ABCB5: variants seen among roughly 807,000 people sequenced by gnomAD.
The protein encoded by ABCB5 is ATP binding cassette subfamily B member 5, also known as ATP-binding cassette sub-family B member 5.
ABCB5 carries 155 observed loss-of-function variants against 144.2 expected under a neutral mutation model. That is an observed-to-expected ratio of 1.08 (90% CI 0.94 to 1.23). The LOEUF is 1.23. ABCB5 is among the 50% of genes most tolerant of loss of function. The pLI, the probability that ABCB5 is intolerant of heterozygous loss-of-function variation, is 0.00. For missense variants in ABCB5, 1,830 were observed against 1,520.8 expected, an observed-to-expected ratio of 1.20 and a Z score of -3.38; for synonymous variants, 610 against 528.6, an observed-to-expected ratio of 1.15 and a Z score of -2.11.
intron 25 of ABCB5, among the ~76,000 whole-genome samples, chr7:20,744,010 A>C (rs1782641704): frequency 6.6e-6 from 1 of 151,464 alleles, no homozygotes; most frequent in African/African-American, 2.4e-5. Flanking sequence ...ATCACTCCCC[A>C]CGTCATCATG....
At chr7:20,652,499 G>A (rs1019546916) in intron 13 of ABCB5, among the ~76,000 whole-genome samples, 17 of 152,310 alleles carry the variant, frequency 1.1e-4, no homozygotes, top group African/African-American at 3.8e-4. Flanking sequence ...GAACCTGGGA[G>A]GTGGAGATTG....
chr7:20,636,218 G>C (rs772750718), intron 5 of ABCB5, among the ~76,000 whole-genome samples: 1 of 152,078 alleles, frequency 6.6e-6, no homozygotes, highest in Non-Finnish European at 1.5e-5. Flanking sequence ...TTAGGATCTA[G>C]GGTAGTGTTT....
intron 20 of ABCB5, among the ~76,000 whole-genome samples, chr7:20,708,981 A>AAAGTAAGTGAATTTGG (rs1786917056): frequency 6.6e-6 from 1 of 152,160 alleles, no homozygotes. Flanking sequence ...TTCAAATTCA[A>AAAGTAAGTGAATTTGG]CGTTGGCTCC....
Position 20,678,238 on chromosome 7 carries a change from T to C in ABCB5, c.1708-3267T>C, listed in dbSNP as rs1785676959. ...CAGGTAGCATTATATCATACATCTTTTCCACATTATCATTTAATCTTAATA... is the reference window on the plus strand; with the variant it reads ...CAGGTAGCATTATATCATACATCTTCTCCACATTATCATTTAATCTTAATA... On this transcript the variant is annotated intron_variant, in intron 14 of 27. Coordinates refer to ENST00000404938, the MANE Select transcript of ABCB5 (RefSeq NM_001163941.2). 2.6e-5 allele frequency among the ~76,000 whole-genome samples: 4 copies of C among 152,322 alleles called. No individual in the cohort carries two copies. The South Asian group carries it at 8.3e-4, about 32-fold the overall frequency.
chr7:20,651,539 T>C lies in ABCB5; in HGVS notation c.1452T>C (p.Tyr484=). ...CCACCATCAGTAACAATATCAAGTA[T>C]GGACGAGATGATGTGACTGATGAAG... is the stretch of plus-strand genomic sequence containing the variant. ...FGTTISNNIK[Y]GRDDVTDEEM... The change falls in exon 13 of 28, where the codon TAT becomes TAC. Residue 484 remains tyrosine, a synonymous_variant. Coordinates refer to ENST00000404938, the MANE Select transcript of ABCB5 (RefSeq NM_001163941.2). The C allele has an allele frequency of 6.2e-7, 1 of 1,614,094 alleles. No individual in the cohort carries two copies. Among genetic ancestry groups the C allele is most frequent in the Non-Finnish European group, 8.5e-7 (1 of 1,180,006 alleles).
At chr7:20,628,613 T>TTGTGTGTGTG in intron 3 of ABCB5, 75 bp from the exon 4 acceptor site, 1 of 1,357,762 alleles carries the variant, frequency 7.4e-7, no homozygotes, top group Non-Finnish European at 1.0e-6. Context: ...CTGTAGGCTG[T>TTGTGTGTGTG]TGTGTGTGTG....
chr7:20,700,084 A>T lies in ABCB5; in HGVS notation c.2286A>T (p.Glu762Asp). 1 of 1,613,846 alleles carries T rather than the reference A, an allele frequency of 6.2e-7. No homozygotes were observed. Residue 762 changes from glutamate to aspartate, a missense_variant, in exon 19 of 28, where the codon GAA (glutamate) becomes GAT (aspartate). Physicochemically the swap from Glu to Asp is conservative, Grantham distance 45 (BLOSUM62 2). Coordinates refer to ENST00000404938, the MANE Select transcript of ABCB5 (RefSeq NM_001163941.2). Reference protein sequence around the residue: ...MQGLFYGRAGEILTMRLRHLA... With the variant: ...MQGLFYGRAGDILTMRLRHLA... ...GATTATTTTACGGCAGAGCAGGGGA[A>T]ATTTTAACGATGAGATTAAGACACT... is the stretch of plus-strand genomic sequence containing the variant.
At chr7:20,690,385 C>T (rs1023891441) in intron 16 of ABCB5, among the ~76,000 whole-genome samples, 3 of 152,100 alleles carry the variant, frequency 2.0e-5, no homozygotes, top group African/African-American at 7.2e-5. Context: ...ATTTTGAATA[C>T]GATGTTTCAA....
rs546586498 is a variant in ABCB5, at chr7:20,699,797, C to T, written c.2155-28C>T. 127 of 1,456,980 alleles carry T rather than the reference C, an allele frequency of 8.7e-5. 3 individuals carry two copies. The South Asian group carries it at 1.4e-3, about 16-fold the overall frequency. The allele number at this position is 1,456,980 out of a possible 1,614,324, so 90.3% of individuals were successfully genotyped here. A position where few individuals can be genotyped will look rare whatever the true frequency, so the allele number is the denominator to read the frequency against. On this transcript the variant is annotated intron_variant, in intron 17 of 27. Coordinates refer to ENST00000404938, the MANE Select transcript of ABCB5 (RefSeq NM_001163941.2). The stretch of plus-strand genomic sequence containing the variant: ...TGTTTCTTTTATATTTTCCCCCAAA[C>T]ACCTGATAAAAATCTGTTCCTTTTC...
chr7:20,620,797 T>A (rs569510450), intron 1 of ABCB5, among the ~76,000 whole-genome samples: 1 of 152,148 alleles, frequency 6.6e-6, no homozygotes, highest in Non-Finnish European at 1.5e-5. Context: ...CTCGTAGGAA[T>A]GTAAAATAAT....
chr7:20,640,702 C>T (rs999220252), intron 5 of ABCB5, among the ~76,000 whole-genome samples: 3 of 152,118 alleles, frequency 2.0e-5, no homozygotes, highest in Non-Finnish European at 2.9e-5. Flanking sequence ...CTGTGCATGT[C>T]CATAAATAAC....
In ABCB5 at chr7:20,647,568, A is replaced by T. The variant is rs1784443365; in HGVS notation, c.1015A>T (p.Ile339Phe). The change falls in exon 10 of 28, where the codon ATT (isoleucine) becomes TTT (phenylalanine). Residue 339 changes from isoleucine to phenylalanine, a missense_variant. Transcript: ENST00000404938. ...TAGTGTAATCCATAGCAGTTATTGC[A>T]TTGGAGCAGCAGTCCCTCACTTTGA... ...FFSVIHSSYC[I>F]GAAVPHFETF... is the part of the protein sequence containing the mutation. The T allele has an allele frequency of 6.3e-7, 1 of 1,587,648 alleles. No homozygotes were observed. Among genetic ancestry groups the T allele is most frequent in the South Asian group, 1.2e-5 (1 of 86,798 alleles).
chr7:20,707,074 A>T (rs973724601), intron 20 of ABCB5, among the ~76,000 whole-genome samples: 2 of 152,220 alleles, frequency 1.3e-5, no homozygotes, highest in African/African-American at 4.8e-5. Context: ...CATAAAGATG[A>T]GCTAGGAAAT....
intron 20 of ABCB5, among the ~76,000 whole-genome samples, chr7:20,720,185 A>G (rs1482196122): frequency 6.6e-6 from 1 of 152,160 alleles, no homozygotes; most frequent in Admixed American, 6.5e-5. Context: ...GTATATGTCA[A>G]AGGACAAAGC....
chr7:20,737,288 C>A (rs1053822567), intron 23 of ABCB5, among the ~76,000 whole-genome samples: 1 of 152,136 alleles, frequency 6.6e-6, no homozygotes, highest in Admixed American at 6.5e-5. Context: ...ATCCCACTTA[C>A]GTTTCTCTCA....
chr7:20,736,014 G>A (rs1421912458), intron 23 of ABCB5, among the ~76,000 whole-genome samples: 2 of 152,138 alleles, frequency 1.3e-5, no homozygotes, highest in Admixed American at 6.5e-5. Flanking sequence ...GATTTAGGGC[G>A]GGAAGAGGTC....
chr7:20,631,999 G>T, intron 4 of ABCB5, 60 bp from the exon 5 acceptor site: 1 of 1,169,340 alleles, frequency 8.6e-7, no homozygotes, highest in Non-Finnish European at 1.2e-6. Context: ...GGCTATCTGT[G>T]TAACAGTGTG....
chr7:20,751,033 T>G (rs1292307814), intron 26 of ABCB5, among the ~76,000 whole-genome samples: 1 of 152,018 alleles, frequency 6.6e-6, no homozygotes, highest in Non-Finnish European at 1.5e-5. Flanking sequence ...ACCCTGAAAA[T>G]CCAACCCAGT....
rs77230312 is a variant in ABCB5, at chr7:20,670,473, G to A, written c.1708-11032G>A. The stretch of plus-strand genomic sequence containing the variant: ...CAAATCCAACTGAGGCAACCTTCTG[G>A]AAGGCAGTGAGTGGGAACTCAGTGT... On this transcript the variant is annotated intron_variant, in intron 14 of 27. Transcript: ENST00000404938. Among the ~76,000 whole-genome samples the A allele has an allele frequency of 5.8e-4, 88 of 152,220 alleles. 1 individual carries two copies. In the East Asian group the frequency reaches 0.015, roughly 27 times the overall value.
Sources: gnomAD v4.1 joint callset for allele counts (sites outside exome capture counted in the v4.1 genomes callset) on GRCh38, gnomAD v4.1.1 for gene constraint, MANE v1.5 for transcripts, NCBI Gene and HGNC (gene_info 2026-07-23, HGNC 2026-07-21) for gene names.